The following MAD1L1 variants were observed in gnomAD, a reference collection of about 807,000 sequenced individuals.
MAD1L1 encodes mitotic spindle assembly checkpoint protein MAD1.
In MAD1L1, 95 loss-of-function variants were observed where a neutral mutation model predicts 96.9. The ratio of observed to expected loss-of-function variants is 0.98; its 90% confidence interval spans 0.83 to 1.16. MAD1L1 has a LOEUF of 1.16. Among genes scored for constraint, MAD1L1 ranks in the 50% most tolerant of loss-of-function variants. The pLI, the probability that MAD1L1 is intolerant of heterozygous loss-of-function variation, is 0.00. For missense variants in MAD1L1, 1,007 were observed against 954.4 expected (o/e 1.06, Z -0.73); for synonymous variants, 473 against 396.6 (o/e 1.19, Z -2.29).
At chr7:2,008,743 GCCT>G (rs901787293) in intron 13 of MAD1L1, among the ~76,000 whole-genome samples, 2 of 150,206 alleles carry the variant, frequency 1.3e-5, no homozygotes, top group Admixed American at 6.6e-5. Flanking sequence ...ATCCCAAACA[GCCT>G]CAGACGCAGA....
In MAD1L1 at chr7:1,982,374, A is replaced by C. The variant is rs187062094; in HGVS notation, c.1417-1833T>G. Among the ~76,000 whole-genome samples the C allele has an allele frequency of 2.8e-4, 43 of 151,962 alleles. No individual in the cohort carries two copies. The East Asian group carries it at 7.0e-3, about 25-fold the overall frequency. On this transcript the variant is annotated intron_variant, in intron 14 of 18. Coordinates refer to ENST00000265854, the MANE Select transcript of MAD1L1 (RefSeq NM_001013836.2). ...CAGGTGCACGCCATCAAGCCCAGCT[A>C]ATTTTTGTATTTTTAGTAGAGACGG...
At chr7:2,210,274 T>C (rs1427740452) in intron 10 of MAD1L1, among the ~76,000 whole-genome samples, 2 of 152,070 alleles carry the variant, frequency 1.3e-5, no homozygotes, top group African/African-American at 2.4e-5. Flanking sequence ...CTCAACTGCG[T>C]TCCCCAGGCT....
intron 18 of MAD1L1, chr7:1,845,418 TCGGACTCTGGTTCACG>T (rs1230479784): frequency 2.0e-5 from 3 of 151,996 alleles, no homozygotes; most frequent in Non-Finnish European, 2.9e-5. Flanking sequence ...CAGACACGCG[TCGGACTCTGGTTCACG>T]GGGAAGAGCG....
At chr7:2,149,335 T>C in intron 10 of MAD1L1, 97 bp from the exon 11 acceptor site, 1 of 943,070 alleles carries the variant, frequency 1.1e-6, no homozygotes. Flanking sequence ...CCTCTGTAGC[T>C]GATGCTCTGG....
At chr7:2,044,210 C>T (rs1329379390) in intron 12 of MAD1L1, among the ~76,000 whole-genome samples, 1 of 152,234 alleles carries the variant, frequency 6.6e-6, no homozygotes, top group Non-Finnish European at 1.5e-5. Flanking sequence ...CACTCTTGCT[C>T]ATTCCTCCCA....
Position 2,155,065 on chromosome 7 carries a change from C to T in MAD1L1, c.987-5827G>A, listed in dbSNP as rs558153041. ...GAGAGGCTTGCACGGAGAAGCAGCA[C>T]GGGAGCCGGAGAGCCGCTCCTCCGG... On this transcript the variant is annotated intron_variant, in intron 10 of 18. Transcript: ENST00000265854. Among the ~76,000 whole-genome samples the T allele has an allele frequency of 1.1e-4, 17 of 152,274 alleles. No homozygotes were observed. The Middle Eastern group carries it at 0.01, about 91-fold the overall frequency.
intron 18 of MAD1L1, among the ~76,000 whole-genome samples, chr7:1,881,259 T>C (rs957673499): frequency 2.7e-4 from 41 of 152,234 alleles, no homozygotes; most frequent in African/African-American, 9.6e-4. Context: ...TTAACCCATT[T>C]ATGCCTAGTG....
In MAD1L1 at chr7:2,213,265, C is replaced by T. The variant is rs765130738; in HGVS notation, c.933G>A (p.Leu311=). The T allele has an allele frequency of 6.2e-7, 1 of 1,614,144 alleles. No homozygotes were observed. The highest frequency in any genetic ancestry group is 2.2e-5 in the East Asian group (1 of 44,872). ...VGLELENERL[L]AKLQSWERLD... Reference sequence around the variant, plus strand: ...GTCTCTCCCAGCTTTGCAGCTTGGCCAGCAGCCTCTGAAAAGACAACAAAA... The same window carrying T: ...GTCTCTCCCAGCTTTGCAGCTTGGCTAGCAGCCTCTGAAAAGACAACAAAA... Residue 311 remains leucine, a synonymous_variant, in exon 10 of 19, where the codon CTG becomes CTA. Transcript: ENST00000265854.
At chr7:2,211,378 G>A (rs1792939858) in intron 10 of MAD1L1, among the ~76,000 whole-genome samples, 1 of 152,246 alleles carries the variant, frequency 6.6e-6, no homozygotes. Context: ...AGGGCTGAAA[G>A]GATCCACAGT....
chr7:1,852,331 G>C (rs1243370624), intron 18 of MAD1L1, among the ~76,000 whole-genome samples: 1 of 152,222 alleles, frequency 6.6e-6, no homozygotes, highest in Non-Finnish European at 1.5e-5. Context: ...GGGTTTCCCG[G>C]ACTGGGAGGA....
At chr7:2,144,881 G>A (rs1284625545) in intron 11 of MAD1L1, among the ~76,000 whole-genome samples, 1 of 152,172 alleles carries the variant, frequency 6.6e-6, no homozygotes, top group Non-Finnish European at 1.5e-5. Flanking sequence ...CTGCCATGAA[G>A]CTCCTGCTCC....
In MAD1L1 at chr7:2,225,273, A is replaced by T. The variant is rs13237133; in HGVS notation, c.291+137T>A. The T allele has an allele frequency of 0.09, 15,010 of 167,098 alleles. 5,264 individuals carry two copies. Among genetic ancestry groups the T allele is most frequent in the African/African-American group, 0.61 (12,942 of 21,046 alleles). The allele number at this position is 167,098 out of a possible 1,614,324, so 10.4% of individuals were successfully genotyped here. On this transcript the variant is annotated intron_variant, in intron 4 of 18. Coordinates refer to ENST00000265854, the MANE Select transcript of MAD1L1 (RefSeq NM_001013836.2). ...CCAGGGACTGGGATCTGATTTCTTA[A>T]GACCTGGCAGGTACCATGCACAGCC...
chr7:1,828,080 T>G (rs1003652250), intron 18 of MAD1L1, among the ~76,000 whole-genome samples: 1 of 151,952 alleles, frequency 6.6e-6, no homozygotes, highest in African/African-American at 2.4e-5. Flanking sequence ...TTTGTCTCTC[T>G]GAGCTGAAGT....
chr7:1,872,663 C>G (rs1785169578), intron 18 of MAD1L1: 1 of 152,326 alleles, frequency 6.6e-6, no homozygotes, highest in African/African-American at 2.4e-5. Context: ...GTCTCCAGGG[C>G]TGTCCTCCTG....
chr7:2,229,840 G>T, intron 3 of MAD1L1, 144 bp downstream of exon 3: 2 of 869,624 alleles, frequency 2.3e-6, no homozygotes, highest in Non-Finnish European at 3.4e-6. Flanking sequence ...AATGAGGAGT[G>T]CCCATAGTGA....
chr7:1,935,126 G>A (rs1426596388), intron 17 of MAD1L1, among the ~76,000 whole-genome samples: 1 of 152,262 alleles, frequency 6.6e-6, no homozygotes, highest in Admixed American at 6.5e-5. Context: ...GCAGGGGATG[G>A]AAGGCCCCTT....
chr7:2,001,939 T>G (rs1562596954), intron 14 of MAD1L1, 126 bp downstream of exon 14: 1 of 961,932 alleles, frequency 1.0e-6, no homozygotes, highest in East Asian at 2.4e-5. Flanking sequence ...TCAACGCAGC[T>G]TCCGACGACA....
intron 18 of MAD1L1, chr7:1,848,862 C>T (rs1783788056): frequency 1.3e-5 from 2 of 154,422 alleles, no homozygotes; most frequent in Admixed American, 1.3e-4. Context: ...GATTGTGTGC[C>T]CCCCACCACC....
At chr7:1,962,849 G>C (rs1034366567) in intron 15 of MAD1L1, among the ~76,000 whole-genome samples, 1 of 152,154 alleles carries the variant, frequency 6.6e-6, no homozygotes, top group Non-Finnish European at 1.5e-5. Flanking sequence ...CAGGAGGCTG[G>C]GGTGGGAGGA....
Sources: allele counts gnomAD v4.1 joint callset (sites outside exome capture counted in the v4.1 genomes callset), GRCh38; gene constraint gnomAD v4.1.1; transcripts MANE v1.5; gene names NCBI Gene and HGNC (gene_info 2026-07-23, HGNC 2026-07-21).